The following TP63 variants were observed in gnomAD, a reference collection of about 807,000 sequenced individuals.
The protein encoded by TP63 is tumor protein 63.
Under a neutral mutation model 82.8 loss-of-function variants are expected in TP63, and 17 were observed. The observed-to-expected ratio is 0.21, with a 90% CI of 0.14 to 0.31. TP63 has a LOEUF of 0.31. Ranked by LOEUF, TP63 falls within the 10% of genes least tolerant of loss-of-function variation. The pLI, the probability that TP63 is intolerant of heterozygous loss-of-function variation, is 1.00. For missense variants in TP63, 648 were observed against 895.3 expected (o/e 0.72, Z 3.52); for synonymous variants, 330 against 321.7 (o/e 1.03, Z -0.28).
Position 189,889,614 on chromosome 3 carries a change from A to G in TP63, c.1652+130A>G. 6 of 1,243,718 alleles carry G rather than the reference A, an allele frequency of 4.8e-6. No individual in the cohort carries two copies. In the South Asian group the frequency reaches 6.6e-5, roughly 14 times the overall value. 77.0% of individuals were successfully genotyped at this position (1,243,718 alleles called of 1,614,324 possible). A position where few individuals can be genotyped will look rare whatever the true frequency, so the allele number is the denominator to read the frequency against. Reference sequence around the variant, plus strand: ...GTCCTGTGGTTGGAGTTCAGTCACTATTATCTCTGATCTGTGGAGTGGTCA... The same window carrying G: ...GTCCTGTGGTTGGAGTTCAGTCACTGTTATCTCTGATCTGTGGAGTGGTCA... On this transcript the variant is annotated intron_variant, in intron 12 of 13. Transcript: ENST00000264731.
chr3:189,816,193 TC>T (rs1728165035), intron 4 of TP63, among the ~76,000 whole-genome samples: 1 of 152,144 alleles, frequency 6.6e-6, no homozygotes, highest in African/African-American at 2.4e-5. Flanking sequence ...AGAACAAAAA[TC>T]ATCTGATAAT....
chr3:189,622,289 G>T, the TP63 span, among the ~76,000 whole-genome samples: 3 of 152,160 alleles, frequency 2.0e-5, no homozygotes, highest in Non-Finnish European at 2.9e-5. Flanking sequence ...CCATGCATAC[G>T]TAGGACTCTG....
chr3:189,694,524 T>C (rs1717190906), intron 1 of TP63, among the ~76,000 whole-genome samples: 1 of 152,112 alleles, frequency 6.6e-6, no homozygotes, highest in South Asian at 2.1e-4. Flanking sequence ...TGTTCAGAAA[T>C]TTAATAGAAT....
intron 3 of TP63, among the ~76,000 whole-genome samples, chr3:189,766,289 C>T (rs1330516553): frequency 6.6e-6 from 1 of 152,158 alleles, no homozygotes; most frequent in Admixed American, 6.6e-5. Context: ...ATAGCTGTAG[C>T]GTGGAATCTA....
chr3:189,769,122 T>G (rs965171306), intron 3 of TP63, among the ~76,000 whole-genome samples: 1 of 152,192 alleles, frequency 6.6e-6, no homozygotes, highest in African/African-American at 2.4e-5. Flanking sequence ...GTATATAAAG[T>G]GCTCAGAATC....
At chr3:189,677,204 G>GTA (rs1715481778) in intron 1 of TP63, among the ~76,000 whole-genome samples, 1 of 150,828 alleles carries the variant, frequency 6.6e-6, no homozygotes, top group Non-Finnish European at 1.5e-5. Context: ...GTGTTTGTGT[G>GTA]TGTGTGTGTG....
At chr3:189,853,869 A>G (rs141424617) in intron 4 of TP63, among the ~76,000 whole-genome samples, 3 of 152,350 alleles carry the variant, frequency 2.0e-5, no homozygotes, top group Admixed American at 6.5e-5. Context: ...CTGTAATCCC[A>G]TAACACTTGC....
chr3:189,768,099 G>A (rs79840249), intron 3 of TP63, among the ~76,000 whole-genome samples: 3,819 of 152,062 alleles, frequency 0.025, 176 homozygotes, highest in African/African-American at 0.086. Flanking sequence ...CAAACCCCCC[G>A]CGTGTATGAA....
In TP63 at chr3:189,894,435, A is replaced by G. The variant is rs1721319395; in HGVS notation, c.1976A>G (p.Asn659Ser). The G allele has an allele frequency of 6.2e-7, 1 of 1,613,950 alleles. No individual in the cohort carries two copies. The highest frequency in any genetic ancestry group is 1.3e-5 in the African/African-American group (1 of 74,894). The change falls in exon 14 of 14, where the codon AAT becomes AGT. Residue 659 changes from asparagine (N) to serine (S), a missense_variant. Asn to Ser is a conservative substitution (Grantham distance 46, BLOSUM62 1). Around this residue, in one of 5 missense-constraint regions of TP63, gnomAD observed 342 missense variants for 425.7 expected, o/e 0.80. Transcript: ENST00000264731. ...TCTTTCCCACCCCGAGATGAGTGGA[A>G]TGACTTCAACTTTGACATGGATGCT... ...TISFPPRDEW[N>S]DFNFDMDARR...
intron 7 of TP63, 135 bp from the exon 8 acceptor site, chr3:189,868,445 A>G: frequency 7.5e-7 from 1 of 1,341,042 alleles, no homozygotes; most frequent in Non-Finnish European, 1.0e-6. Flanking sequence ...TTTTGGGTCC[A>G]TTCTCAAAGC....
chr3:189,770,559 C>A (rs552400856), intron 3 of TP63, among the ~76,000 whole-genome samples: 1 of 136,652 alleles, frequency 7.3e-6, no homozygotes, highest in African/African-American at 3.0e-5. Context: ...AGCAAGACTC[C>A]GTCTCAAAAA....
At chr3:189,795,822 G>T (rs1429845317) in intron 3 of TP63, among the ~76,000 whole-genome samples, 1 of 151,998 alleles carries the variant, frequency 6.6e-6, no homozygotes, top group African/African-American at 2.4e-5. Context: ...GTGACATCTT[G>T]CAGGAAGGAA....
the TP63 span, among the ~76,000 whole-genome samples, chr3:189,622,784 G>T: frequency 3.3e-5 from 5 of 152,154 alleles, no homozygotes; most frequent in Non-Finnish European, 4.4e-5. Context: ...TTCTTAAGCC[G>T]TCTGAGTCTT....
chr3:189,845,794 G>A (rs774369243), intron 4 of TP63, among the ~76,000 whole-genome samples: 31 of 150,292 alleles, frequency 2.1e-4, no homozygotes, highest in Non-Finnish European at 2.8e-4. Flanking sequence ...TTTTTGTTCC[G>A]TGAGAGTTTA....
intron 3 of TP63, among the ~76,000 whole-genome samples, chr3:189,759,368 G>A (rs776503856): frequency 3.3e-5 from 5 of 152,094 alleles, no homozygotes; most frequent in South Asian, 2.1e-4. Context: ...GACAGAACTC[G>A]GGCTTTGGGA....
chr3:189,875,635 T>TATAC (rs1719115138), intron 10 of TP63, among the ~76,000 whole-genome samples: 1 of 129,612 alleles, frequency 7.7e-6, no homozygotes, highest in African/African-American at 2.9e-5. Context: ...TATATATATA[T>TATAC]ATAAACTATT....
At chr3:189,832,118 C>G (rs1185062232) in intron 4 of TP63, among the ~76,000 whole-genome samples, 2 of 152,074 alleles carry the variant, frequency 1.3e-5, no homozygotes, top group African/African-American at 4.8e-5. Context: ...GCATGATCCA[C>G]CACGCCCAGC....
At chr3:189,848,239 T>TTCTCTGTCTCTCTCTCTC (rs1715151299) in intron 4 of TP63, among the ~76,000 whole-genome samples, 1 of 95,984 alleles carries the variant, frequency 1.0e-5, no homozygotes, top group Non-Finnish European at 2.0e-5. Flanking sequence ...CTCCTCCTCC[T>TTCTCTGTCTCTCTCTCTC]TCTCTCTCTC....
At chr3:189,712,724 A>G (rs1718684229) in intron 1 of TP63, among the ~76,000 whole-genome samples, 1 of 152,124 alleles carries the variant, frequency 6.6e-6, no homozygotes, top group Admixed American at 6.6e-5. Context: ...CACAGCAATA[A>G]GAAGACAAAT....
Sources: gnomAD v4.1 joint callset for allele counts (sites outside exome capture counted in the v4.1 genomes callset) on GRCh38, gnomAD v4.1.1 for gene constraint, gnomAD v4.1.1 regional missense constraint, MANE v1.5 for transcripts, NCBI Gene and HGNC (gene_info 2026-07-23, HGNC 2026-07-21) for gene names.